The following TMEM164 variants were observed in gnomAD, a reference collection of about 807,000 sequenced individuals.
TMEM164 encodes the protein transmembrane protein 164.
TMEM164 carries 4 observed loss-of-function variants against 18.8 expected under a neutral mutation model. The observed-to-expected ratio is 0.21, with a 90% CI of 0.10 to 0.49. The LOEUF (loss-of-function observed/expected upper bound fraction) is 0.49. Ranked by LOEUF, TMEM164 falls within the 20% of genes least tolerant of loss-of-function variation. The pLI, the probability that TMEM164 is intolerant of heterozygous loss-of-function variation, is 0.98. For synonymous variants in TMEM164, 86 were observed against 101.7 expected (o/e 0.85, Z 0.93); for missense variants, 108 against 239.9 (o/e 0.45, Z 3.63).
chrX:110,029,279 G>A (rs1357999190), intron 2 of TMEM164, among the ~76,000 whole-genome samples: 1 of 111,906 alleles, frequency 8.9e-6, no homozygotes, highest in East Asian at 2.8e-4. Flanking sequence ...TGCATGAGGG[G>A]TTGGGAAGGA....
chrX:110,166,108 T>C (rs1330144030), intron 5 of TMEM164, among the ~76,000 whole-genome samples: 2 of 111,640 alleles, frequency 1.8e-5, no homozygotes, highest in Non-Finnish European at 3.8e-5. Flanking sequence ...CACAAAGTTC[T>C]CTCCTTTCCA....
intron 4 of TMEM164, among the ~76,000 whole-genome samples, chrX:110,115,951 G>A (rs1038355690): frequency 3.6e-5 from 4 of 110,896 alleles, no homozygotes; most frequent in African/African-American, 1.3e-4. Context: ...AGCTGGGCGT[G>A]GTGGCACATG....
At chrX:110,078,492 G>T (rs1017293798) in intron 3 of TMEM164, among the ~76,000 whole-genome samples, 12 of 112,099 alleles carry the variant, frequency 1.1e-4, no homozygotes, top group Admixed American at 8.5e-4. Context: ...TTGCTGTGGA[G>T]CTAGTGTGAT....
intron 2 of TMEM164, among the ~76,000 whole-genome samples, chrX:110,012,666 C>G (rs1933076129): frequency 8.9e-6 from 1 of 112,017 alleles, no homozygotes; most frequent in Admixed American, 9.4e-5. Flanking sequence ...CTCCACAGTG[C>G]TTGGATGCAG....
Position 110,177,776 on chromosome X carries a change from A to G in TMEM164, c.*4325A>G, listed in dbSNP as rs1268103083. ...TGTTTCTTCATTTACTGTTATTAAA[A>G]GATTTATGAGAACCCAGGAGTCCTG... On this transcript the variant is annotated 3_prime_UTR_variant, in exon 7 of 7. Coordinates refer to ENST00000372068, the MANE Select transcript of TMEM164 (RefSeq NM_032227.4). 1 of 112,084 alleles carries G rather than the reference A, an allele frequency of 8.9e-6. No individual in the cohort carries two copies. The highest frequency in any genetic ancestry group is 1.9e-5 in the Non-Finnish European group (1 of 53,214). 9.2% of individuals were successfully genotyped at this position (112,084 alleles called of 1,213,427 possible). A position where few individuals can be genotyped will look rare whatever the true frequency, so the allele number is the denominator to read the frequency against.
At chrX:110,037,983 C>CTTTTTTTTTT (rs1934895224) in intron 2 of TMEM164, among the ~76,000 whole-genome samples, 4 of 98,228 alleles carry the variant, frequency 4.1e-5, no homozygotes, top group African/African-American at 1.6e-4. Flanking sequence ...CCTTTGGACT[C>CTTTTTTTTTT]ATTTTTTTTT....
intron 2 of TMEM164, chrX:110,020,503 T>G: frequency 1.3e-6 from 1 of 754,069 alleles, no homozygotes; most frequent in Non-Finnish European, 1.6e-6. Flanking sequence ...AAGAAAAGTA[T>G]TCTGGGGAAT....
intron 2 of TMEM164, among the ~76,000 whole-genome samples, chrX:110,014,877 G>C (rs1933250178): frequency 9.2e-6 from 1 of 109,284 alleles, no homozygotes; most frequent in African/African-American, 3.4e-5. Flanking sequence ...CAGAGCTCCT[G>C]GGTGAAAGGC....
chrX:110,176,066 C>T lies in TMEM164; in HGVS notation c.*2615C>T. On this transcript the variant is annotated 3_prime_UTR_variant, in exon 7 of 7. Transcript: ENST00000372068. ...CTTTCCTGTCAGTGCCAAGCCAGTT[C>T]CCCAGCCAGGTTTCCGTGTGCCATT... The T allele has an allele frequency of 1.3e-6, 1 of 756,883 alleles. No homozygotes were observed. The highest frequency in any genetic ancestry group is 1.6e-6 in the Non-Finnish European group (1 of 639,750). The allele number at this position is 756,883 out of a possible 1,213,427, so 62.4% of individuals were successfully genotyped here.
At chrX:110,125,312 C>T (rs1047709501) in intron 4 of TMEM164, among the ~76,000 whole-genome samples, 24 of 111,569 alleles carry the variant, frequency 2.2e-4, no homozygotes, top group African/African-American at 7.2e-4. Flanking sequence ...TGGAGCCCAG[C>T]GAAATGATTG....
chrX:110,173,371 A>G lies in TMEM164; in HGVS notation c.814A>G (p.Ile272Val). 8.3e-7 allele frequency: 1 copy of G among 1,211,714 alleles called. No homozygotes were observed. Among genetic ancestry groups the G allele is most frequent in the Non-Finnish European group, 1.1e-6 (1 of 895,496 alleles). Residue 272 changes from isoleucine to valine, a missense_variant, in exon 7 of 7, where the codon ATC becomes GTC. Ile to Val is a conservative substitution (Grantham distance 29). Transcript: ENST00000372068. ...LMTMTHGKLV[I>V]LFSYMAGPLC... Reference sequence around the variant, plus strand: ...GACCATGACCCACGGGAAGCTGGTCATCCTGTTCTCATACATGGCTGGGCC... The same window carrying G: ...GACCATGACCCACGGGAAGCTGGTCGTCCTGTTCTCATACATGGCTGGGCC...
chrX:110,101,647 A>G (rs368324209), intron 3 of TMEM164, among the ~76,000 whole-genome samples: 2 of 103,758 alleles, frequency 1.9e-5, no homozygotes, highest in East Asian at 6.1e-4. Context: ...TGGCATGCTC[A>G]TGGCTCACTG....
chrX:110,139,860 G>A (rs1404912552), intron 4 of TMEM164, among the ~76,000 whole-genome samples: 1 of 110,636 alleles, frequency 9.0e-6, no homozygotes, highest in East Asian at 2.9e-4. Flanking sequence ...AAAATTGTGA[G>A]AGTAGGGATA....
chrX:110,150,235 G>A (rs751719716), intron 5 of TMEM164, among the ~76,000 whole-genome samples: 2 of 111,890 alleles, frequency 1.8e-5, no homozygotes, highest in Non-Finnish European at 1.9e-5. Context: ...AGCTTATTAG[G>A]CAAGTACAGG....
At chrX:110,061,520 G>A (rs1936121095) in intron 2 of TMEM164, among the ~76,000 whole-genome samples, 1 of 112,127 alleles carries the variant, frequency 8.9e-6, no homozygotes, top group Non-Finnish European at 1.9e-5. Context: ...TGTAGACACT[G>A]CTTGGTTGTG....
chrX:110,101,580 AT>A lies in TMEM164; in HGVS notation c.441-7483del, dbSNP rs1298157425. ...CAAAGACAAACTTTTGGTTTTATTG[AT>A]TTTTTTTTTTTTTTTTGAGACAGTG... is the stretch of plus-strand genomic sequence containing the variant. On this transcript the variant is annotated intron_variant, in intron 3 of 6. Coordinates refer to ENST00000372068, the MANE Select transcript of TMEM164 (RefSeq NM_032227.4). 8.4e-3 allele frequency among the ~76,000 whole-genome samples: 759 copies of A among 90,710 alleles called. 3 individuals are homozygous for A. Among genetic ancestry groups the A allele is most frequent in the South Asian group, 0.017 (35 of 2,074 alleles). 78.8% of individuals were successfully genotyped at this position (90,710 alleles called of 115,157 possible).
chrX:110,073,933 A>G (rs764428715), intron 3 of TMEM164, among the ~76,000 whole-genome samples: 25 of 111,227 alleles, frequency 2.2e-4, no homozygotes, highest in African/African-American at 8.2e-4. Flanking sequence ...GCTGGAGTAC[A>G]GTGGCCTGAT....
chrX:110,047,831 T>C (rs1189126594), intron 2 of TMEM164, among the ~76,000 whole-genome samples: 2 of 112,029 alleles, frequency 1.8e-5, no homozygotes, highest in African/African-American at 3.2e-5. Flanking sequence ...GGCAAAAGCC[T>C]ATTTAATGTG....
rs35564733 is a variant in TMEM164, at chrX:110,126,199, T to TG, written c.507+17054dup. Among the ~76,000 whole-genome samples, 63 of 11,267 alleles carry TG rather than the reference T, an allele frequency of 5.6e-3. 2 individuals are homozygous for TG. In the African/African-American group the frequency reaches 0.11, roughly 20 times the overall value. 9.8% of individuals were successfully genotyped at this position (11,267 alleles called of 115,157 possible). ...CTCTGCTGCTGGCCCAGCTCACAGG[T>TG]GCCCTCTGGGAGTCATCCTATAGCT... On this transcript the variant is annotated intron_variant, in intron 4 of 6. Transcript: ENST00000372068.
Sources: allele counts gnomAD v4.1 joint callset (sites outside exome capture counted in the v4.1 genomes callset), GRCh38; gene constraint gnomAD v4.1.1; transcripts MANE v1.5; gene names NCBI Gene and HGNC (gene_info 2026-07-23, HGNC 2026-07-21).